Variants in OPA3 observed in about 807,000 individuals in gnomAD.
OPA3 encodes the protein outer mitochondrial membrane lipid metabolism regulator OPA3.
A neutral mutation model predicts 4.0 loss-of-function variants in OPA3; 6 were observed. That is an observed-to-expected ratio of 1.51 (90% CI 0.83 to 2.99). The LOEUF is 2.99. Ranked by LOEUF, OPA3 falls within the 30% of genes most tolerant of loss-of-function variation. OPA3 has a pLI of 0.00. For missense variants in OPA3, 235 were observed against 256.2 expected (o/e 0.92, Z 0.56); for synonymous variants, 105 against 117.1 (o/e 0.90, Z 0.67).
At chr19:45,557,214 G>A (rs1969434130) in intron 1 of OPA3, among the ~76,000 whole-genome samples, 1 of 152,198 alleles carries the variant, frequency 6.6e-6, no homozygotes, top group East Asian at 1.9e-4. Flanking sequence ...GCCAATGGGA[G>A]TGGGCACATA....
At chr19:45,533,921 T>A (rs1295518592) in intron 1 of OPA3, among the ~76,000 whole-genome samples, 1 of 152,194 alleles carries the variant, frequency 6.6e-6, no homozygotes, top group East Asian at 1.9e-4. Context: ...GTCAGTTCAG[T>A]CCATGTGAAT....
chr19:45,566,290 C>T (rs1201035322), intron 1 of OPA3, among the ~76,000 whole-genome samples: 1 of 151,708 alleles, frequency 6.6e-6, no homozygotes, highest in Non-Finnish European at 1.5e-5. Context: ...TCTGGGATTA[C>T]AGGCGCAGAC....
chr19:45,567,305 C>T (rs1969597077), intron 1 of OPA3, among the ~76,000 whole-genome samples: 1 of 149,852 alleles, frequency 6.7e-6, no homozygotes, highest in African/African-American at 2.5e-5. Context: ...GTGCCACTGC[C>T]CTCCAGCCTG....
At chr19:45,577,366 G>A (rs984052396) in intron 1 of OPA3, among the ~76,000 whole-genome samples, 6 of 152,228 alleles carry the variant, frequency 3.9e-5, no homozygotes, top group African/African-American at 9.6e-5. Context: ...AAGCAGGGCC[G>A]CCAGTGCACC....
intron 1 of OPA3, among the ~76,000 whole-genome samples, chr19:45,535,767 T>TC (rs1161492110): frequency 7.4e-5 from 8 of 108,292 alleles, no homozygotes; most frequent in Admixed American, 2.4e-4. Flanking sequence ...CTTTTCTTTT[T>TC]TTTTTTTTTT....
intron 1 of OPA3, chr19:45,529,537 G>C (rs1487898373): frequency 5.9e-6 from 9 of 1,528,312 alleles, no homozygotes; most frequent in Non-Finnish European, 8.1e-6. Flanking sequence ...CGATGTCCCC[G>C]TTGTAGCAAT....
At chr19:45,538,100 CAA>C (rs1178598021) in intron 1 of OPA3, among the ~76,000 whole-genome samples, 10 of 38,146 alleles carry the variant, frequency 2.6e-4, no homozygotes, top group Admixed American at 3.9e-4. Flanking sequence ...GGCTCCATAT[CAA>C]AAAAAAAAAA....
chr19:45,574,827 T>C (rs1009981922), intron 1 of OPA3, among the ~76,000 whole-genome samples: 1 of 152,164 alleles, frequency 6.6e-6, no homozygotes, highest in Non-Finnish European at 1.5e-5. Context: ...TTCTGCTTCT[T>C]CCCTCATGAA....
chr19:45,537,911 C>T (rs1350443414), intron 1 of OPA3, among the ~76,000 whole-genome samples: 1 of 151,964 alleles, frequency 6.6e-6, no homozygotes, highest in East Asian at 1.9e-4. Flanking sequence ...TGTATGTCTG[C>T]AATATTTCAT....
intron 1 of OPA3, among the ~76,000 whole-genome samples, chr19:45,579,756 T>C (rs774757101): frequency 2.2e-4 from 33 of 151,962 alleles, no homozygotes; most frequent in Non-Finnish European, 4.1e-4. Context: ...ATAATAATAA[T>C]AATAATAGTA....
chr19:45,536,227 C>CAA (rs35744947), intron 1 of OPA3, among the ~76,000 whole-genome samples: 1 of 115,540 alleles, frequency 8.7e-6, no homozygotes, highest in East Asian at 2.5e-4. Context: ...GACTCTATCT[C>CAA]AAAAAAAAAA....
Position 45,551,050 on chromosome 19 carries a change from TC to T in OPA3, c.*2463del. On this transcript the variant is annotated 3_prime_UTR_variant, in exon 2 of 2. Transcript: ENST00000263275. ...ATCACGGCTCGCTGCAGCCTCGACC[TC>T]CAGGGCTCAGGTGATCCTCCTGCCT... 1.4e-6 allele frequency: 1 copy of T among 698,756 alleles called. No homozygotes were observed. The highest frequency in any genetic ancestry group is 1.8e-6 in the Non-Finnish European group (1 of 568,352). 43.3% of individuals were successfully genotyped at this position (698,756 alleles called of 1,614,324 possible).
intron 1 of OPA3, among the ~76,000 whole-genome samples, chr19:45,569,134 G>A (rs1470046797): frequency 1.3e-5 from 2 of 152,094 alleles, no homozygotes; most frequent in Non-Finnish European, 2.9e-5. Context: ...AGGATACTCA[G>A]GGGTTTCTAA....
chr19:45,534,496 G>A (rs183927552), intron 1 of OPA3, among the ~76,000 whole-genome samples: 249 of 132,632 alleles, frequency 1.9e-3, no homozygotes, highest in African/African-American at 6.3e-3. Context: ...GGGAAGTGGA[G>A]GTTGTAGTGA....
At position 45,551,557 on chromosome 19, in the gene OPA3, G is replaced by C. The variant is rs775951781; in HGVS notation, c.*1957C>G. 23 of 237,164 alleles carry C rather than the reference G, an allele frequency of 9.7e-5. No individual in the cohort carries two copies. Among genetic ancestry groups the C allele is most frequent in the Non-Finnish European group, 1.4e-4 (20 of 145,856 alleles). The allele number at this position is 237,164 out of a possible 1,614,324, so 14.7% of individuals were successfully genotyped here. The stretch of plus-strand genomic sequence containing the variant: ...GGCCTGGAATCACCAGGAGCTGGAA[G>C]AGGGAGCGTGTCCCTGTCAGCACCT... On this transcript the variant is annotated 3_prime_UTR_variant, in exon 2 of 2. Transcript: ENST00000263275.
intron 1 of OPA3, 66 bp downstream of exon 1, chr19:45,584,557 C>T: frequency 6.2e-7 from 1 of 1,613,020 alleles, no homozygotes; most frequent in Non-Finnish European, 8.5e-7. Context: ...AGTCCATCCC[C>T]TAAGCAACCA....
chr19:45,538,940 T>G (rs1969152485), intron 1 of OPA3, among the ~76,000 whole-genome samples: 1 of 152,186 alleles, frequency 6.6e-6, no homozygotes, highest in Non-Finnish European at 1.5e-5. Flanking sequence ...TTTAGTTGAC[T>G]TACAGTTCTG....
chr19:45,577,688 G>A (rs1255509108), intron 1 of OPA3, among the ~76,000 whole-genome samples: 4 of 152,152 alleles, frequency 2.6e-5, no homozygotes, highest in Non-Finnish European at 4.4e-5. Flanking sequence ...TTAACCAAGC[G>A]ATCCAAATCA....
intron 1 of OPA3, among the ~76,000 whole-genome samples, chr19:45,557,629 G>A (rs955766504): frequency 4.6e-5 from 7 of 152,140 alleles, no homozygotes; most frequent in Admixed American, 4.6e-4. Flanking sequence ...GGTCCATTCT[G>A]CATCTTGAAC....
Sources: allele counts gnomAD v4.1 joint callset (sites outside exome capture counted in the v4.1 genomes callset), GRCh38; gene constraint gnomAD v4.1.1; transcripts MANE v1.5; gene names NCBI Gene and HGNC (gene_info 2026-07-23, HGNC 2026-07-21).